The following PURG variants were observed in gnomAD, a reference collection of about 807,000 sequenced individuals.
The protein encoded by PURG is purine rich element binding protein G, also known as purine-rich element-binding protein gamma.
PURG carries 3 observed loss-of-function variants against 24.3 expected under a neutral mutation model. That is an observed-to-expected ratio of 0.12 (90% CI 0.06 to 0.32). PURG has a LOEUF of 0.32. Among genes scored for constraint, PURG ranks in the 10% least tolerant of loss-of-function variants. The pLI is 1.00. For missense variants in PURG, 371 were observed against 439.1 expected (o/e 0.84, Z 1.39); for synonymous variants, 180 against 173.1 (o/e 1.04, Z -0.31).
chr8:31,032,225 GT>G lies in PURG; in HGVS notation c.557del (p.Asp186AlafsTer2). 1 of 1,614,078 alleles carries G rather than the reference GT, an allele frequency of 6.2e-7. No homozygotes were observed. The highest frequency in any genetic ancestry group is 8.5e-7 in the Non-Finnish European group (1 of 1,180,012). On this transcript the variant is annotated frameshift_variant, in exon 2 of 2. Transcript: ENST00000523392. LOFTEE classifies it high-confidence loss of function. The surrounding 1 kb of genome is among the most constrained non-coding windows in gnomAD (Gnocchi z 5.9). ...AGCGACCCCGCTGATTTTCCTTTAG[GT>G]CTAGGTAATATTTCCTATTGTCCCT... ...IERDNRKYYL[D>X]LKENQRGRFL...
chr8:31,017,555 C>T (rs1429287938), intron 1 of PURG, among the ~76,000 whole-genome samples: 112 of 152,042 alleles, frequency 7.4e-4, no homozygotes, highest in Non-Finnish European at 1.0e-4. Flanking sequence ...TCACTCAGAT[C>T]TCTCCATAAA....
exon 2 of PURG, chr8:30,996,351 C>T (rs572644529): frequency 4.9e-4 from 145 of 297,484 alleles, no homozygotes; most frequent in Non-Finnish European, 6.5e-4. Context: ...GGTTTGAAAA[C>T]GAAAGGCTTG....
intron 1 of PURG, among the ~76,000 whole-genome samples, chr8:31,001,057 A>T (rs1485752595): frequency 6.6e-6 from 1 of 152,208 alleles, no homozygotes; most frequent in South Asian, 2.1e-4. Flanking sequence ...TAAACATTGA[A>T]ATACAGAAAT....
intron 1 of PURG, among the ~76,000 whole-genome samples, chr8:31,022,337 T>A (rs1670164612): frequency 6.6e-6 from 1 of 152,220 alleles, no homozygotes; most frequent in Admixed American, 6.5e-5. Context: ...ATGCACTGTG[T>A]ATTGAAAAGC....
At chr8:31,006,113 T>C (rs1174539072) in intron 1 of PURG, among the ~76,000 whole-genome samples, 1 of 152,188 alleles carries the variant, frequency 6.6e-6, no homozygotes, top group Non-Finnish European at 1.5e-5. Context: ...TTCATCAGCT[T>C]TAAAGAGGTT....
Position 31,023,981 on chromosome 8 carries a change from GA to G in PURG, c.864+7937del, listed in dbSNP as rs1239269127. Among the ~76,000 whole-genome samples, 3 of 152,030 alleles carry G rather than the reference GA, an allele frequency of 2.0e-5. No individual in the cohort carries two copies. The East Asian group carries it at 5.8e-4, about 29-fold the overall frequency. Reference sequence around the variant, plus strand: ...ATAAAAAATGATTACAGAATATGCAGAAAAAAGCAATGCTCCTTCCAAATAA... The same window carrying G: ...ATAAAAAATGATTACAGAATATGCAGAAAAAGCAATGCTCCTTCCAAATAA... On this transcript the variant is annotated intron_variant, in intron 1 of 1. Coordinates refer to the PURG transcript ENST00000339382.
At chr8:31,008,971 C>A (rs1038586641) in intron 1 of PURG, among the ~76,000 whole-genome samples, 1 of 152,178 alleles carries the variant, frequency 6.6e-6, no homozygotes, top group African/African-American at 2.4e-5. Context: ...GGATTAAAGT[C>A]ATTGTTGTTT....
intron 1 of PURG, among the ~76,000 whole-genome samples, chr8:31,024,719 T>C (rs917633027): frequency 3.9e-5 from 6 of 152,064 alleles, no homozygotes; most frequent in African/African-American, 9.7e-5. Flanking sequence ...GTTTTGAATA[T>C]AAAAGTTTCT....
intron 1 of PURG, among the ~76,000 whole-genome samples, chr8:31,003,788 A>G (rs1056403637): frequency 6.6e-6 from 1 of 151,776 alleles, no homozygotes; most frequent in Non-Finnish European, 1.5e-5. Context: ...ACAAAAAAAC[A>G]AAAAAAACAC....
Position 31,031,098 on chromosome 8 carries a change from C to T in PURG, c.*641G>A, listed in dbSNP as rs1811190739. ...CTCTCCCATGGCTTTGATATGGCAA[C>T]TATAAAATGTAGGGTTACCACAAAG... On this transcript the variant is annotated 3_prime_UTR_variant, in exon 2 of 2. Transcript: ENST00000523392. The T allele has an allele frequency of 6.6e-6, 1 of 152,466 alleles. No individual in the cohort carries two copies. The highest frequency in any genetic ancestry group is 1.5e-5 in the Non-Finnish European group (1 of 67,980). The allele number at this position is 152,466 out of a possible 1,614,324, so 9.4% of individuals were successfully genotyped here.
rs60929241 is a variant in PURG at position 31,011,559 on chromosome 8, A to C, written c.865-14862T>G. Among the ~76,000 whole-genome samples the C allele has an allele frequency of 9.4e-3, 1,428 of 152,312 alleles. 15 individuals carry two copies. The highest frequency in any genetic ancestry group is 0.032 in the African/African-American group (1,342 of 41,572). ...TTAAAGGATAAATTGATAAGGGAAAAATAATGCATAGCATTTTATACTAGA... is the reference window on the plus strand; with the variant it reads ...TTAAAGGATAAATTGATAAGGGAAACATAATGCATAGCATTTTATACTAGA... On this transcript the variant is annotated intron_variant, in intron 1 of 1. Coordinates refer to the PURG transcript ENST00000339382.
At chr8:31,025,746 C>G (rs1268678110) in intron 1 of PURG, among the ~76,000 whole-genome samples, 1 of 151,588 alleles carries the variant, frequency 6.6e-6, no homozygotes, top group African/African-American at 2.4e-5. Flanking sequence ...GGGACGGGTG[C>G]TCACAAAACT....
chr8:31,012,489 A>G (rs1810781143), intron 1 of PURG, among the ~76,000 whole-genome samples: 1 of 152,258 alleles, frequency 6.6e-6, no homozygotes, highest in Admixed American at 6.5e-5. Flanking sequence ...ATAACTAAAT[A>G]TGAACCATGC....
Position 31,019,866 on chromosome 8 carries a change from C to A in PURG, c.864+12053G>T, listed in dbSNP as rs147610768. Among the ~76,000 whole-genome samples the A allele has an allele frequency of 2.0e-3, 303 of 150,978 alleles. 1 individual carries two copies. The highest frequency in any genetic ancestry group is 6.9e-3 in the African/African-American group (286 of 41,204). On this transcript the variant is annotated intron_variant, in intron 1 of 1. Transcript: ENST00000339382. ...AATTTTAAAGCAGTGAGTTCAATTG[C>A]TGATCTAAAGAAAAGTACTGTAGGC...
intron 1 of PURG, among the ~76,000 whole-genome samples, chr8:31,015,814 G>T (rs1810851236): frequency 6.6e-6 from 1 of 152,176 alleles, no homozygotes; most frequent in South Asian, 2.1e-4. Context: ...ACTTTGGAAG[G>T]CTGAGGTGGG....
chr8:31,013,685 C>T lies in PURG; in HGVS notation c.865-16988G>A, dbSNP rs1368274709. 5.9e-5 allele frequency among the ~76,000 whole-genome samples: 9 copies of T among 152,114 alleles called. No individual in the cohort carries two copies. The South Asian group carries it at 1.0e-3, about 18-fold the overall frequency. On this transcript the variant is annotated intron_variant, in intron 1 of 1. Coordinates refer to the PURG transcript ENST00000339382. ...CCAGGAGGCGGAGGTTGCAGTGAGCCGAGGTCGCGCCACTGCACTCCAGCC... is the reference window on the plus strand; with the variant it reads ...CCAGGAGGCGGAGGTTGCAGTGAGCTGAGGTCGCGCCACTGCACTCCAGCC...
chr8:31,001,517 T>C (rs1810534951), intron 1 of PURG, among the ~76,000 whole-genome samples: 2 of 152,194 alleles, frequency 1.3e-5, no homozygotes, highest in African/African-American at 4.8e-5. Flanking sequence ...TCTAGCATTG[T>C]CCATGTTGTG....
intron 1 of PURG, among the ~76,000 whole-genome samples, chr8:30,996,878 A>G (rs1200804105): frequency 6.6e-6 from 1 of 151,812 alleles, no homozygotes; most frequent in East Asian, 1.9e-4. Flanking sequence ...GCTACTGCAT[A>G]AGAAATGTGT....
chr8:30,996,534 C>T, exon 2 of PURG: 4 of 1,291,532 alleles, frequency 3.1e-6, no homozygotes, highest in Non-Finnish European at 3.3e-6. Context: ...TGATGAACTT[C>T]AGTTCATTTC....
Sources: gnomAD v4.1 joint callset for allele counts (sites outside exome capture counted in the v4.1 genomes callset) on GRCh38, gnomAD v4.1.1 for gene constraint, Gnocchi (gnomAD v3.1) non-coding constraint, MANE v1.5 for transcripts, NCBI Gene and HGNC (gene_info 2026-07-23, HGNC 2026-07-21) for gene names.